TFPI: variants seen among roughly 807,000 people sequenced by gnomAD.
The protein encoded by TFPI is anti-convertin.
A neutral mutation model predicts 34.6 loss-of-function variants in TFPI; 15 were observed. The ratio of observed to expected loss-of-function variants is 0.43; its 90% CI spans 0.29 to 0.67. TFPI has a LOEUF of 0.67. Ranked by LOEUF, TFPI falls within the 30% of genes least tolerant of loss-of-function variation. The probability of loss-of-function intolerance (pLI) is 0.15; values close to 1 mark genes in which losing one functional copy is unlikely to be tolerated. For synonymous variants in TFPI, 105 were observed against 120.1 expected (o/e 0.87, Z 0.82); for missense variants, 301 against 364.0 (o/e 0.83, Z 1.41).
intron 3 of TFPI, among the ~76,000 whole-genome samples, chr2:187,491,229 G>A (rs144219354): frequency 3.0e-4 from 45 of 151,848 alleles, no homozygotes; most frequent in African/African-American, 1.1e-3. Context: ...TTAGGGGCTA[G>A]AAGTACGATT....
At chr2:187,546,644 T>C (rs1165643660) in intron 1 of TFPI, 1 of 152,126 alleles carries the variant, frequency 6.6e-6, no homozygotes, top group Non-Finnish European at 1.5e-5. Context: ...ACCATACATA[T>C]TAAAAATGAG....
chr2:187,531,182 G>T (rs1687937786), intron 1 of TFPI, among the ~76,000 whole-genome samples: 1 of 152,190 alleles, frequency 6.6e-6, no homozygotes, highest in African/African-American at 2.4e-5. Context: ...GTAGAAAGGT[G>T]TGTGGTATAG....
Position 187,466,867 on chromosome 2 carries a change from T to C in TFPI, c.*69A>G. 2.2e-6 allele frequency: 2 copies of C among 895,514 alleles called. No homozygotes were observed. Among genetic ancestry groups the C allele is most frequent in the Non-Finnish European group, 3.3e-6 (2 of 605,340 alleles). 55.5% of individuals were successfully genotyped at this position (895,514 alleles called of 1,614,324 possible). The stretch of plus-strand genomic sequence containing the variant: ...AATTAAAAGCATTTTAGAAGAAAAA[T>C]AGAAAATCATAGTGAAACATTTCAT... On this transcript the variant is annotated 3_prime_UTR_variant, in exon 8 of 8. Coordinates refer to ENST00000233156, the MANE Select transcript of TFPI (RefSeq NM_006287.6).
chr2:187,518,830 G>A (rs1227020788), intron 1 of TFPI: 2 of 151,906 alleles, frequency 1.3e-5, no homozygotes, highest in African/African-American at 4.8e-5. Context: ...TAGAGGCTTT[G>A]TTCATTCTCC....
In TFPI at chr2:187,488,322, CAAAT is replaced by C; in HGVS notation, c.358+11_358+14del. 2.6e-6 allele frequency: 4 copies of C among 1,556,350 alleles called. 1 individual carries two copies. In the South Asian group the frequency reaches 5.0e-5, roughly 20 times the overall value. The stretch of plus-strand genomic sequence containing the variant: ...TACATAAATGCTTCAAATTTACAGA[CAAAT>C]AAATGTTCACCTTGTTGCAATGTTG... On this transcript the variant is annotated intron_variant, in intron 4 of 7. Transcript: ENST00000233156.
chr2:187,494,866 G>A (rs963845604), intron 3 of TFPI, among the ~76,000 whole-genome samples: 4 of 152,090 alleles, frequency 2.6e-5, no homozygotes, highest in Non-Finnish European at 4.4e-5. Context: ...GGGACTACAG[G>A]CACATGCCAC....
intron 1 of TFPI, among the ~76,000 whole-genome samples, chr2:187,506,185 A>T (rs1352964123): frequency 6.6e-6 from 1 of 152,036 alleles, no homozygotes. Context: ...GCTTTCTTAA[A>T]ATTAGAAAAC....
chr2:187,495,169 G>A (rs575469339), intron 3 of TFPI, among the ~76,000 whole-genome samples: 21 of 152,122 alleles, frequency 1.4e-4, no homozygotes, highest in Non-Finnish European at 2.8e-4. Flanking sequence ...AAAGAAAAGA[G>A]TAAGTTTTGC....
Position 187,467,902 on chromosome 2 carries a change from G to A in TFPI, c.659C>T (p.Pro220Leu), listed in dbSNP as rs142016000. 16 of 1,603,086 alleles carry A rather than the reference G, an allele frequency of 1.0e-5. No homozygotes were observed. The African/African-American group carries it at 2.0e-4, about 20-fold the overall frequency. ...EFHGPSWCLT[P>L]ADRGLCRANE... ...GGCACGACACAATCCTCTGTCTGCT[G>A]GAGTGAGACACCATGAGGGACCGTG... Residue 220 changes from proline to leucine, a missense_variant, in exon 7 of 8, where the codon CCA becomes CTA. Coordinates refer to ENST00000233156, the MANE Select transcript of TFPI (RefSeq NM_006287.6).
At position 187,484,144 on chromosome 2, in the gene TFPI, G is replaced by T; in HGVS notation, c.608C>A (p.Thr203Asn). The change falls in exon 6 of 8, where the codon ACC (threonine) becomes AAC (asparagine). Residue 203 changes from threonine to asparagine, a missense_variant. Coordinates refer to ENST00000233156, the MANE Select transcript of TFPI (RefSeq NM_006287.6). ...AVNNSLTPQS[T>N]KVPSLFEFHG... ...CTTACCAAAAAGGCTGGGAACCTTG[G>T]TTGATTGCGGAGTCAGGGAGTTATT... The T allele has an allele frequency of 6.2e-7, 1 of 1,612,344 alleles. No homozygotes were observed. The highest frequency in any genetic ancestry group is 8.5e-7 in the Non-Finnish European group (1 of 1,178,790).
chr2:187,549,698 C>A (rs1318251702), intron 1 of TFPI, among the ~76,000 whole-genome samples: 2 of 151,980 alleles, frequency 1.3e-5, no homozygotes, highest in Non-Finnish European at 2.9e-5. Flanking sequence ...ATACAATAAA[C>A]AATAAATGTA....
At chr2:187,534,898 A>AT (rs1559152238) in intron 1 of TFPI, among the ~76,000 whole-genome samples, 1 of 151,802 alleles carries the variant, frequency 6.6e-6, no homozygotes, top group Non-Finnish European at 1.5e-5. Context: ...GGAAAGCAAA[A>AT]AAAAAAATAA....
At chr2:187,524,060 A>C (rs1000732724) in intron 1 of TFPI, among the ~76,000 whole-genome samples, 13 of 152,104 alleles carry the variant, frequency 8.5e-5, no homozygotes, top group Non-Finnish European at 1.3e-4. Context: ...TTCAGGCTCC[A>C]TTCATGCTGT....
intron 4 of TFPI, 96 bp from the exon 5 acceptor site, chr2:187,485,083 G>A: frequency 2.2e-6 from 2 of 898,996 alleles, no homozygotes; most frequent in Non-Finnish European, 3.0e-6. Flanking sequence ...AGTTATTGAA[G>A]GAGTAAGCAT....
chr2:187,489,541 TATG>T (rs1346598564), intron 3 of TFPI, among the ~76,000 whole-genome samples: 2 of 151,498 alleles, frequency 1.3e-5, no homozygotes, highest in Admixed American at 1.3e-4. Flanking sequence ...ATAAAACTAA[TATG>T]ATTTAATTGA....
chr2:187,525,839 A>G (rs1039344418), intron 1 of TFPI, among the ~76,000 whole-genome samples: 3 of 147,670 alleles, frequency 2.0e-5, no homozygotes, highest in Admixed American at 6.8e-5. Context: ...AGGAAATAAC[A>G]AACTATTCAT....
In TFPI at chr2:187,465,985, A is replaced by G. The variant is rs993498312; in HGVS notation, c.*951T>C. On this transcript the variant is annotated 3_prime_UTR_variant, in exon 8 of 8. Transcript: ENST00000233156. ...AGAATGACTAGCACATGAATTTTCT[A>G]GTAGACTCTTCCCTGCTGATAATTT... 5.9e-5 allele frequency: 9 copies of G among 152,300 alleles called. No individual in the cohort carries two copies. The highest frequency in any genetic ancestry group is 1.2e-4 in the African/African-American group (5 of 41,572). The allele number at this position is 152,300 out of a possible 1,614,324, so 9.4% of individuals were successfully genotyped here.
At chr2:187,490,963 A>G (rs568319282) in intron 3 of TFPI, among the ~76,000 whole-genome samples, 1 of 151,756 alleles carries the variant, frequency 6.6e-6, no homozygotes, top group Non-Finnish European at 1.5e-5. Context: ...CAAGTAATGT[A>G]TGTCATTGTC....
chr2:187,484,252 A>G (rs775290907), intron 5 of TFPI, 36 bp from the exon 6 acceptor site: 4 of 1,566,566 alleles, frequency 2.6e-6, no homozygotes, highest in African/African-American at 1.4e-5. Flanking sequence ...ATAGATAAAC[A>G]TTGTCACAAT....
Sources: gnomAD v4.1 joint callset for allele counts (sites outside exome capture counted in the v4.1 genomes callset) on GRCh38, gnomAD v4.1.1 for gene constraint, MANE v1.5 for transcripts, NCBI Gene and HGNC (gene_info 2026-07-23, HGNC 2026-07-21) for gene names.